The following BAALC variants were observed in gnomAD, a reference collection of about 807,000 sequenced individuals.
BAALC encodes BAALC binder of MAP3K1 and KLF4.
BAALC carries 9 observed loss-of-function variants against 15.5 expected under a neutral mutation model. The observed-to-expected ratio is 0.58, with a 90% CI of 0.35 to 1.02. The LOEUF is 1.02. Ranked by LOEUF, BAALC falls within the 50% of genes least tolerant of loss-of-function variation. BAALC has a pLI of 0.02. For synonymous variants in BAALC, 80 were observed against 74.6 expected, an observed-to-expected ratio of 1.07 and a Z score of -0.37; for missense variants, 201 against 192.4, an observed-to-expected ratio of 1.04 and a Z score of -0.27.
At chr8:103,146,013 C>T (rs1205342340) in intron 1 of BAALC, among the ~76,000 whole-genome samples, 1 of 152,144 alleles carries the variant, frequency 6.6e-6, no homozygotes, top group African/African-American at 2.4e-5. Flanking sequence ...AGATAAAAGA[C>T]ATCTTTTTTT....
At chr8:103,164,388 T>C (rs1811297968) in intron 1 of BAALC, among the ~76,000 whole-genome samples, 1 of 152,148 alleles carries the variant, frequency 6.6e-6, no homozygotes, top group Admixed American at 6.5e-5. Flanking sequence ...AGGGATAGGA[T>C]TGTGTGTCTG....
At chr8:103,195,963 G>A (rs935528866) in intron 1 of BAALC, among the ~76,000 whole-genome samples, 4 of 152,138 alleles carry the variant, frequency 2.6e-5, no homozygotes, top group Non-Finnish European at 4.4e-5. Flanking sequence ...AGTCCAACCC[G>A]GTCTTGAGGA....
At chr8:103,212,176 A>G (rs1157762697) in intron 1 of BAALC, among the ~76,000 whole-genome samples, 1 of 152,196 alleles carries the variant, frequency 6.6e-6, no homozygotes, top group African/African-American at 2.4e-5. Context: ...CAAGCATGTT[A>G]TCTCATGCCT....
At chr8:103,187,785 C>T (rs1811876038) in intron 1 of BAALC, among the ~76,000 whole-genome samples, 1 of 152,102 alleles carries the variant, frequency 6.6e-6, no homozygotes, top group African/African-American at 2.4e-5. Context: ...TCGTGAGACC[C>T]CTTAATCCCT....
In BAALC at chr8:103,166,541, G is replaced by A. The variant is rs185820035; in HGVS notation, c.160+25484G>A. Among the ~76,000 whole-genome samples the A allele has an allele frequency of 6.6e-4, 101 of 152,274 alleles. No homozygotes were observed. In the East Asian group the frequency reaches 0.012, roughly 18 times the overall value. On this transcript the variant is annotated intron_variant, in intron 1 of 2. Transcript: ENST00000309982. ...TGTTTTTTTGTTTTTGGAATGGACA[G>A]TGACACTGGCAAGGAGATTGTCCCA...
chr8:103,218,745 A>C (rs532481893), intron 2 of BAALC, among the ~76,000 whole-genome samples: 1 of 152,246 alleles, frequency 6.6e-6, no homozygotes, highest in Non-Finnish European at 1.5e-5. Flanking sequence ...GTGCTAAAGG[A>C]ACTAGCATGG....
At chr8:103,155,435 G>A (rs1004209707) in intron 1 of BAALC, among the ~76,000 whole-genome samples, 13 of 152,192 alleles carry the variant, frequency 8.5e-5, no homozygotes, top group Non-Finnish European at 1.9e-4. Context: ...TGATGCCCTG[G>A]GGAGCTCTGG....
chr8:103,148,274 AG>A (rs546858712), intron 1 of BAALC, among the ~76,000 whole-genome samples: 16 of 152,308 alleles, frequency 1.1e-4, no homozygotes, highest in African/African-American at 3.6e-4. Flanking sequence ...CCACCAGCCA[AG>A]GAGCATCAAG....
At chr8:103,184,080 C>A (rs1334700613) in intron 1 of BAALC, among the ~76,000 whole-genome samples, 1 of 152,184 alleles carries the variant, frequency 6.6e-6, no homozygotes, top group Non-Finnish European at 1.5e-5. Flanking sequence ...CATGGCCCTT[C>A]CTTCATTTTC....
At chr8:103,182,006 C>T (rs1811740160) in intron 1 of BAALC, among the ~76,000 whole-genome samples, 2 of 152,194 alleles carry the variant, frequency 1.3e-5, no homozygotes, top group Non-Finnish European at 2.9e-5. Context: ...GATCCCTCTC[C>T]ATGAGGATTT....
At chr8:103,225,335 A>T (rs1032811176) in intron 2 of BAALC, among the ~76,000 whole-genome samples, 4 of 152,238 alleles carry the variant, frequency 2.6e-5, no homozygotes, top group African/African-American at 9.6e-5. Flanking sequence ...AAATAAATAG[A>T]TAAGACTAAA....
At chr8:103,212,322 C>T (rs1012512103) in intron 1 of BAALC, among the ~76,000 whole-genome samples, 3 of 152,070 alleles carry the variant, frequency 2.0e-5, no homozygotes, top group African/African-American at 4.8e-5. Context: ...GTGACACGTG[C>T]CTTTAGTCCC....
At chr8:103,156,419 C>T (rs1254914724) in intron 1 of BAALC, among the ~76,000 whole-genome samples, 1 of 152,166 alleles carries the variant, frequency 6.6e-6, no homozygotes, top group African/African-American at 2.4e-5. Flanking sequence ...TGGCATCACG[C>T]AGAGTAAGGT....
intron 1 of BAALC, among the ~76,000 whole-genome samples, chr8:103,198,620 C>A (rs1812146674): frequency 6.6e-6 from 1 of 152,064 alleles, no homozygotes; most frequent in African/African-American, 2.4e-5. Flanking sequence ...AACATAAAAG[C>A]TGGCCAGGCT....
chr8:103,163,860 C>T (rs1811283450), intron 1 of BAALC, among the ~76,000 whole-genome samples: 3 of 152,104 alleles, frequency 2.0e-5, no homozygotes, highest in African/African-American at 7.2e-5. Context: ...TTCCTTCCCA[C>T]AAATATTCTT....
intron 1 of BAALC, among the ~76,000 whole-genome samples, chr8:103,204,976 C>T (rs1812296333): frequency 6.6e-6 from 1 of 152,180 alleles, no homozygotes; most frequent in Non-Finnish European, 1.5e-5. Context: ...GACCTGAGAG[C>T]CCAGACAGTG....
At chr8:103,150,918 ATG>A (rs1810971795) in intron 1 of BAALC, among the ~76,000 whole-genome samples, 1 of 152,286 alleles carries the variant, frequency 6.6e-6, no homozygotes, top group South Asian at 2.1e-4. Flanking sequence ...AACAAGGATC[ATG>A]ACCTCGGGTC....
chr8:103,165,088 G>C (rs1443343357), intron 1 of BAALC, among the ~76,000 whole-genome samples: 1 of 152,198 alleles, frequency 6.6e-6, no homozygotes, highest in Admixed American at 6.5e-5. Context: ...CTGTGTGGTT[G>C]CATAGCTGCA....
At chr8:103,191,656 A>G (rs2130003237) in intron 1 of BAALC, among the ~76,000 whole-genome samples, 1 of 152,220 alleles carries the variant, frequency 6.6e-6, no homozygotes, top group African/African-American at 2.4e-5. Flanking sequence ...AGATCACACA[A>G]GCAGGTTACG....
Sources: gnomAD v4.1 joint callset for allele counts (sites outside exome capture counted in the v4.1 genomes callset) on GRCh38, gnomAD v4.1.1 for gene constraint, MANE v1.5 for transcripts, NCBI Gene and HGNC (gene_info 2026-07-23, HGNC 2026-07-21) for gene names.